Variants in MED12L observed in about 807,000 individuals in gnomAD.
The protein encoded by MED12L is mediator of RNA polymerase II transcription subunit 12-like protein.
In MED12L, 60 loss-of-function variants were observed where a neutral mutation model predicts 281.3. The ratio of observed to expected loss-of-function variants is 0.21; its 90% CI spans 0.17 to 0.26. The LOEUF is 0.26. Ranked by LOEUF, MED12L falls within the 10% of genes least tolerant of loss-of-function variation. The pLI is 1.00. For missense variants in MED12L, 2,146 were observed against 2,680.9 expected (o/e 0.80, Z 4.41); for synonymous variants, 974 against 987.2 (o/e 0.99, Z 0.25).
chr3:151,329,034 C>G lies in MED12L; in HGVS notation c.2251-21025C>G, dbSNP rs958243867. 2.7e-6 allele frequency: 4 copies of G among 1,476,008 alleles called. No homozygotes were observed. In the African/African-American group the frequency reaches 5.7e-5, roughly 21 times the overall value. The allele number at this position is 1,476,008 out of a possible 1,614,324, so 91.4% of individuals were successfully genotyped here. A position where few individuals can be genotyped will look rare whatever the true frequency, so the allele number is the denominator to read the frequency against. On this transcript the variant is annotated intron_variant, in intron 16 of 44. Transcript: ENST00000687756. Reference sequence around the variant, plus strand: ...TGTTACCAATAAACATATATACAAACAAAAGAAAACAAAAAGCCCTTCATG... The same window carrying G: ...TGTTACCAATAAACATATATACAAAGAAAAGAAAACAAAAAGCCCTTCATG...
At chr3:151,432,429 C>T (rs74961678) in intron 44 of MED12L, among the ~76,000 whole-genome samples, 1 of 152,156 alleles carries the variant, frequency 6.6e-6, no homozygotes, top group Non-Finnish European at 1.5e-5. Flanking sequence ...TGAGAACTTT[C>T]AATGTTTTAT....
At chr3:151,209,356 G>A (rs1726816812) in intron 16 of MED12L, among the ~76,000 whole-genome samples, 1 of 152,086 alleles carries the variant, frequency 6.6e-6, no homozygotes, top group Admixed American at 6.5e-5. Context: ...AAATTAATAC[G>A]ACATTTAATC....
intron 10 of MED12L, 147 bp from the exon 11 acceptor site, chr3:151,165,699 G>T (rs1353487121): frequency 9.9e-7 from 1 of 1,006,924 alleles, no homozygotes; most frequent in African/African-American, 1.6e-5. Flanking sequence ...GTCAAGTTTG[G>T]TTTTGTTGAT....
At chr3:151,265,831 G>A (rs1739721457) in intron 16 of MED12L, among the ~76,000 whole-genome samples, 1 of 152,134 alleles carries the variant, frequency 6.6e-6, no homozygotes, top group African/African-American at 2.4e-5. Context: ...ATTAAAGTCA[G>A]AACACCTATG....
chr3:151,307,547 G>C (rs1313922578), intron 16 of MED12L, among the ~76,000 whole-genome samples: 3 of 94,016 alleles, frequency 3.2e-5, no homozygotes, highest in East Asian at 3.3e-4. Flanking sequence ...GTGTGTGTGT[G>C]TGTGTGTGTG....
chr3:151,156,835 G>A (rs924148926), intron 6 of MED12L, among the ~76,000 whole-genome samples: 3 of 152,114 alleles, frequency 2.0e-5, no homozygotes, highest in Admixed American at 1.3e-4. Context: ...AGAAGAGGGC[G>A]TTTGGGCTCT....
Position 151,384,133 on chromosome 3 carries a change from C to T in MED12L, c.4841C>T (p.Thr1614Met), listed in dbSNP as rs1308805851. 7 of 1,613,814 alleles carry T rather than the reference C, an allele frequency of 4.3e-6. No homozygotes were observed. The highest frequency in any genetic ancestry group is 1.1e-5 in the South Asian group (1 of 91,072). ...LDMLGVLING[T>M]LASDLSNASP... ...ATGCTGGGTGTTTTAATCAATGGAA[C>T]GTTAGCCTCTGACCTATCAAATGCA... The change falls in exon 35 of 45, where the codon ACG (threonine) becomes ATG (methionine). Residue 1614 changes from threonine to methionine, a missense_variant. Physicochemically the swap from Thr to Met is moderately conservative, Grantham distance 81 (BLOSUM62 -1). Transcript: ENST00000687756.
intron 16 of MED12L, among the ~76,000 whole-genome samples, chr3:151,221,256 G>A (rs1309199567): frequency 2.0e-5 from 3 of 152,186 alleles, no homozygotes; most frequent in Non-Finnish European, 4.4e-5. Flanking sequence ...TATAAGGGAA[G>A]CAGAGCTTAA....
chr3:151,259,525 G>C (rs1187622618), intron 16 of MED12L, among the ~76,000 whole-genome samples: 2 of 152,148 alleles, frequency 1.3e-5, no homozygotes, highest in Admixed American at 6.5e-5. Flanking sequence ...GCAAACTGGG[G>C]TATGTGTTCA....
chr3:151,393,043 T>C (rs1453978659), intron 38 of MED12L, among the ~76,000 whole-genome samples: 1 of 152,164 alleles, frequency 6.6e-6, no homozygotes, highest in Non-Finnish European at 1.5e-5. Context: ...TGATCTTCTG[T>C]TTTTTTCCAA....
At chr3:151,290,634 G>GT (rs63049361) in intron 16 of MED12L, among the ~76,000 whole-genome samples, 24 of 149,296 alleles carry the variant, frequency 1.6e-4, no homozygotes, top group Admixed American at 5.3e-4. Flanking sequence ...TTACAGCCTT[G>GT]TTTTTTTTTT....
chr3:151,257,300 CG>C (rs1476884980), intron 16 of MED12L, among the ~76,000 whole-genome samples: 1 of 152,166 alleles, frequency 6.6e-6, no homozygotes, highest in Non-Finnish European at 1.5e-5. Flanking sequence ...CTTTCCACTG[CG>C]TATTAATCTC....
At position 151,349,978 on chromosome 3, in the gene MED12L, G is replaced by C. The variant is rs1753019837; in HGVS notation, c.2251-81G>C. 3.0e-6 allele frequency: 4 copies of C among 1,355,806 alleles called. No individual in the cohort carries two copies. In the Admixed American group the frequency reaches 5.9e-5, roughly 20 times the overall value. The allele number at this position is 1,355,806 out of a possible 1,614,324, so 84.0% of individuals were successfully genotyped here. ...CACCGCAAGCCAGCATGGAGGTGCT[G>C]TGGTCAGTGCATTTCAGGGATATGA... On this transcript the variant is annotated intron_variant, in intron 16 of 44. Transcript: ENST00000687756.
chr3:151,110,041 C>G (rs1711631588), intron 2 of MED12L, among the ~76,000 whole-genome samples: 1 of 152,156 alleles, frequency 6.6e-6, no homozygotes, highest in African/African-American at 2.4e-5. Context: ...GCTTAAATCT[C>G]TGTAAGGAAA....
intron 16 of MED12L, among the ~76,000 whole-genome samples, chr3:151,319,474 T>TGC (rs1329094481): frequency 1.5e-5 from 1 of 66,224 alleles, no homozygotes; most frequent in Non-Finnish European, 3.1e-5. Context: ...TGTGCGTGTG[T>TGC]GTGTGTGTGT....
chr3:151,140,684 A>ATTTATTTAT (rs61191389), intron 5 of MED12L, among the ~76,000 whole-genome samples: 139 of 151,700 alleles, frequency 9.2e-4, no homozygotes, highest in South Asian at 1.9e-3. Flanking sequence ...TTATTTATTT[A>ATTTATTTAT]TTATTTATTT....
intron 16 of MED12L, among the ~76,000 whole-genome samples, chr3:151,332,455 TAAG>T (rs1362158602): frequency 6.6e-6 from 1 of 152,216 alleles, no homozygotes; most frequent in African/African-American, 2.4e-5. Context: ...GTGGTAATAA[TAAG>T]CTGAAATAAG....
intron 17 of MED12L, among the ~76,000 whole-genome samples, 190 bp from the exon 18 acceptor site, chr3:151,354,931 C>A (rs1032339879): frequency 2.0e-5 from 3 of 152,064 alleles, no homozygotes; most frequent in Non-Finnish European, 2.9e-5. Context: ...CCTAGAGAGG[C>A]CTGAGGGAGT....
chr3:151,090,913 C>T (rs960211012), intron 2 of MED12L, among the ~76,000 whole-genome samples: 3 of 151,906 alleles, frequency 2.0e-5, no homozygotes, highest in African/African-American at 4.8e-5. Context: ...TGGTGGTAGG[C>T]GCCTGTAATC....
Sources: allele counts gnomAD v4.1 joint callset (sites outside exome capture counted in the v4.1 genomes callset), GRCh38; gene constraint gnomAD v4.1.1; transcripts MANE v1.5; gene names NCBI Gene and HGNC (gene_info 2026-07-23, HGNC 2026-07-21).